NCAM2: variants seen among roughly 807,000 people sequenced by gnomAD.
NCAM2 encodes N-CAM-2.
A neutral mutation model predicts 98.1 loss-of-function variants in NCAM2; 30 were observed. The ratio of observed to expected loss-of-function variants is 0.31; its 90% CI spans 0.23 to 0.41. The LOEUF (loss-of-function observed/expected upper bound fraction) is 0.41, where lower values mean the gene tolerates loss of function less well. Ranked by LOEUF, NCAM2 falls within the 10% of genes least tolerant of loss-of-function variation. The pLI is 1.00. For missense variants in NCAM2, 867 were observed against 1,005.8 expected, an observed-to-expected ratio of 0.86 and a Z score of 1.87; for synonymous variants, 368 against 342.4, an observed-to-expected ratio of 1.07 and a Z score of -0.83.
At chr21:21,316,202 T>A (rs926245418) in intron 5 of NCAM2, among the ~76,000 whole-genome samples, 1 of 152,158 alleles carries the variant, frequency 6.6e-6, no homozygotes, top group African/African-American at 2.4e-5. Context: ...GTAGTTCCAA[T>A]TATTTCTTTC....
Position 21,341,387 on chromosome 21 carries a change from T to C in NCAM2, c.1044+2853T>C, listed in dbSNP as rs1703527267. On this transcript the variant is annotated intron_variant, in intron 8 of 17. Transcript: ENST00000400546. ...ATCAGTTGGTGTCATATTGTTAGTC[T>C]TCAAGCCATATTTTGGGAAACAACT... 1.3e-5 allele frequency among the ~76,000 whole-genome samples: 2 copies of C among 152,160 alleles called. 1 individual carries two copies. The highest frequency in any genetic ancestry group is 4.1e-4 in the South Asian group (2 of 4,830).
intron 1 of NCAM2, among the ~76,000 whole-genome samples, chr21:21,145,638 G>C (rs1426569387): frequency 2.0e-5 from 3 of 152,092 alleles, no homozygotes; most frequent in Admixed American, 6.5e-5. Flanking sequence ...AAAAAGAAGT[G>C]GGTAAGAGGA....
At chr21:21,105,961 T>C (rs940947379) in intron 1 of NCAM2, among the ~76,000 whole-genome samples, 1 of 152,112 alleles carries the variant, frequency 6.6e-6, no homozygotes, top group African/African-American at 2.4e-5. Context: ...AAATACATGT[T>C]CCAAGAGGGT....
intron 8 of NCAM2, among the ~76,000 whole-genome samples, chr21:21,355,894 C>A (rs1390381659): frequency 3.9e-5 from 6 of 152,246 alleles, no homozygotes; most frequent in Non-Finnish European, 7.4e-5. Context: ...CAGGCGTGAA[C>A]CACTGCTCCC....
At chr21:21,172,200 A>C (rs2068147980) in intron 1 of NCAM2, among the ~76,000 whole-genome samples, 1 of 152,048 alleles carries the variant, frequency 6.6e-6, no homozygotes, top group South Asian at 2.1e-4. Flanking sequence ...TTGGTAAATT[A>C]AGAGGAAAAA....
At chr21:21,524,435 A>C (rs1469039131) in intron 16 of NCAM2, among the ~76,000 whole-genome samples, 1 of 151,788 alleles carries the variant, frequency 6.6e-6, no homozygotes, top group Non-Finnish European at 1.5e-5. Context: ...AAAAAAAAAA[A>C]AAATGGAATA....
At chr21:21,184,417 TG>T (rs1016660363) in intron 1 of NCAM2, among the ~76,000 whole-genome samples, 1 of 152,288 alleles carries the variant, frequency 6.6e-6, no homozygotes, top group African/African-American at 2.4e-5. Context: ...CTTTAAAGGC[TG>T]GTAGCATCAT....
intron 1 of NCAM2, among the ~76,000 whole-genome samples, chr21:21,025,258 TGTATTTTTA>T (rs1027407719): frequency 6.6e-5 from 10 of 152,068 alleles, no homozygotes; most frequent in Non-Finnish European, 1.5e-4. Context: ...GCTAATTGTT[TGTATTTTTA>T]GTAGAGACGG....
intron 1 of NCAM2, among the ~76,000 whole-genome samples, chr21:21,098,098 C>T (rs2066161549): frequency 6.7e-6 from 1 of 149,876 alleles, no homozygotes; most frequent in Non-Finnish European, 1.5e-5. Flanking sequence ...ATGTACTACA[C>T]ATATATATGG....
intron 10 of NCAM2, among the ~76,000 whole-genome samples, chr21:21,415,006 A>G (rs1390081876): frequency 6.6e-6 from 1 of 151,826 alleles, no homozygotes; most frequent in Admixed American, 6.6e-5. Flanking sequence ...TATTCAATAA[A>G]CCAGGCTGTA....
intron 9 of NCAM2, among the ~76,000 whole-genome samples, chr21:21,408,948 GA>G (rs753694606): frequency 0.11 from 16,960 of 150,298 alleles, 1,260 homozygotes; most frequent in Middle Eastern, 0.21. Context: ...ATAATTAGTA[GA>G]TATAACAAAA....
intron 1 of NCAM2, among the ~76,000 whole-genome samples, chr21:21,265,445 TAC>T (rs35787286): frequency 0.78 from 69,390 of 88,952 alleles, 27,364 homozygotes; most frequent in East Asian, 0.99. Context: ...ATATTATATA[TAC>T]ACACATATAT....
intron 9 of NCAM2, among the ~76,000 whole-genome samples, chr21:21,388,083 A>C (rs571374591): frequency 6.6e-6 from 1 of 152,312 alleles, no homozygotes; most frequent in South Asian, 2.1e-4. Context: ...TAACACATAT[A>C]ACCAGGCTGA....
chr21:21,272,978 CACACAT>C (rs1245089408), intron 1 of NCAM2, among the ~76,000 whole-genome samples: 4 of 18,300 alleles, frequency 2.2e-4, no homozygotes, highest in Admixed American at 1.8e-3. Context: ...CATGCATTCA[CACACAT>C]ACACACACAC....
chr21:21,378,208 C>A (rs1160622972), intron 9 of NCAM2, among the ~76,000 whole-genome samples: 1 of 151,074 alleles, frequency 6.6e-6, no homozygotes, highest in Non-Finnish European at 1.5e-5. Context: ...TAAACCCAGA[C>A]AAAGGATTCC....
chr21:21,354,748 A>G (rs148080421), intron 8 of NCAM2, among the ~76,000 whole-genome samples: 80 of 152,334 alleles, frequency 5.3e-4, no homozygotes, highest in African/African-American at 1.8e-3. Context: ...TTTCTCCAGT[A>G]AATAATATGC....
At chr21:21,011,346 CAT>C (rs1293846915) in intron 1 of NCAM2, among the ~76,000 whole-genome samples, 2 of 151,990 alleles carry the variant, frequency 1.3e-5, no homozygotes, top group African/African-American at 4.8e-5. Flanking sequence ...CTGATGGAAA[CAT>C]AGTCCCTTGA....
rs1978365250 is a variant in NCAM2 at position 21,436,637 on chromosome 21, G to A, written c.1654+4356G>A. Among the ~76,000 whole-genome samples the A allele has an allele frequency of 2.0e-5, 3 of 152,198 alleles. No homozygotes were observed. In the South Asian group the frequency reaches 6.2e-4, roughly 32 times the overall value. Reference sequence around the variant, plus strand: ...AGTACCAAAAGCATATTAGGGTAGAGGGAATACTGAAATTTGGTGGAGGTA... The same window carrying A: ...AGTACCAAAAGCATATTAGGGTAGAAGGAATACTGAAATTTGGTGGAGGTA... On this transcript the variant is annotated intron_variant, in intron 12 of 17. Transcript: ENST00000400546.
intron 1 of NCAM2, among the ~76,000 whole-genome samples, chr21:21,234,031 A>T (rs1414463245): frequency 1.3e-5 from 2 of 151,828 alleles, no homozygotes; most frequent in African/African-American, 4.8e-5. Flanking sequence ...TACATTTACA[A>T]GTGCTCAATT....
Sources: allele counts gnomAD v4.1 joint callset (sites outside exome capture counted in the v4.1 genomes callset), GRCh38; gene constraint gnomAD v4.1.1; transcripts MANE v1.5; gene names NCBI Gene and HGNC (gene_info 2026-07-23, HGNC 2026-07-21).